SPATA12: variants seen among roughly 807,000 people sequenced by gnomAD.
SPATA12 encodes spermatogenesis-associated protein 12.
For missense variants in SPATA12, 219 were observed against 226.4 expected (o/e 0.97, Z 0.21); for synonymous variants, 85 against 89.2 (o/e 0.95, Z 0.26).
chr3:57,060,937 G>C (rs1579192406), intron 1 of SPATA12, among the ~76,000 whole-genome samples, 151 bp downstream of exon 1: 1 of 152,126 alleles, frequency 6.6e-6, no homozygotes, highest in East Asian at 1.9e-4. Context: ...AAGTCCAGGA[G>C]AGTCCAACTC....
At chr3:57,068,009 AAAC>A (rs1477084499) in intron 1 of SPATA12, among the ~76,000 whole-genome samples, 24 of 151,928 alleles carry the variant, frequency 1.6e-4, no homozygotes, top group African/African-American at 5.1e-4. Context: ...AAAAACAAAC[AAAC>A]AACAACAAAA....
chr3:57,068,873 G>A (rs1220688080), intron 1 of SPATA12, among the ~76,000 whole-genome samples: 4 of 151,680 alleles, frequency 2.6e-5, no homozygotes, highest in East Asian at 1.9e-4. Context: ...ATGAACTGCC[G>A]GTTCCAACAA....
In SPATA12 at chr3:57,074,720, G is replaced by A. The variant is rs1360828207; in HGVS notation, c.*453G>A. On this transcript the variant is annotated 3_prime_UTR_variant, in exon 2 of 2. Transcript: ENST00000334325. ...AGGTGATGAGGTGAGGTAATCAAAT[G>A]ACATAGAAGAGGAAGGAGTCCACTG... 5.4e-6 allele frequency: 1 copy of A among 185,916 alleles called. No homozygotes were observed. Among genetic ancestry groups the A allele is most frequent in the African/African-American group, 2.4e-5 (1 of 41,742 alleles). 11.5% of individuals were successfully genotyped at this position (185,916 alleles called of 1,614,324 possible).
Position 57,074,563 on chromosome 3 carries a change from C to A in SPATA12, c.*296C>A. 2.8e-6 allele frequency: 1 copy of A among 358,864 alleles called. No homozygotes were observed. 22.2% of individuals were successfully genotyped at this position (358,864 alleles called of 1,614,324 possible). A position where few individuals can be genotyped will look rare whatever the true frequency, so the allele number is the denominator to read the frequency against. On this transcript the variant is annotated 3_prime_UTR_variant, in exon 2 of 2. Transcript: ENST00000334325. ...ACTGTATTAAATGACATCAATTGAT[C>A]AATCAATCGATCAATCAATGAAAGA... is the stretch of plus-strand genomic sequence containing the variant.
At chr3:57,067,482 A>AATAATAATT (rs1705615560) in intron 1 of SPATA12, among the ~76,000 whole-genome samples, 1 of 148,094 alleles carries the variant, frequency 6.8e-6, no homozygotes, top group African/African-American at 2.5e-5. Context: ...TAATAATAAT[A>AATAATAATT]ATAATAATAT....
At chr3:57,065,888 T>C (rs1388311805) in intron 1 of SPATA12, among the ~76,000 whole-genome samples, 1 of 152,102 alleles carries the variant, frequency 6.6e-6, no homozygotes, top group Non-Finnish European at 1.5e-5. Context: ...ACCTTTTACT[T>C]AGGCCCATGA....
chr3:57,060,835 C>T (rs1441915582), intron 1 of SPATA12, 49 bp downstream of exon 1: 2 of 148,216 alleles, frequency 1.3e-5, no homozygotes, highest in Non-Finnish European at 3.0e-5. Context: ...CACACACACA[C>T]ACATGGGCAC....
chr3:57,071,654 C>T (rs1236905429), intron 1 of SPATA12, among the ~76,000 whole-genome samples: 1 of 125,698 alleles, frequency 8.0e-6, no homozygotes, highest in Non-Finnish European at 1.6e-5. Context: ...AGCAAAACTC[C>T]ATCTCAAAAA....
intron 1 of SPATA12, among the ~76,000 whole-genome samples, chr3:57,066,019 A>G (rs1705506956): frequency 6.6e-6 from 1 of 150,426 alleles, no homozygotes; most frequent in South Asian, 2.1e-4. Flanking sequence ...AGGGCAACAC[A>G]GTGAGACTCT....
At chr3:57,067,454 A>AAATAATAATAATAAT (rs10528636) in intron 1 of SPATA12, among the ~76,000 whole-genome samples, 1,895 of 140,428 alleles carry the variant, frequency 0.013, 13 homozygotes, top group East Asian at 0.048. Context: ...CTCTGTCTCA[A>AAATAATAATAATAAT]AATAATAATA....
At chr3:57,071,544 C>T (rs2107402378) in intron 1 of SPATA12, among the ~76,000 whole-genome samples, 1 of 151,904 alleles carries the variant, frequency 6.6e-6, no homozygotes, top group South Asian at 2.1e-4. Context: ...CCTGTAGTCC[C>T]AGCTACTTGA....
intron 1 of SPATA12, among the ~76,000 whole-genome samples, chr3:57,064,034 AG>A (rs1422255723): frequency 6.6e-6 from 1 of 152,224 alleles, no homozygotes; most frequent in Non-Finnish European, 1.5e-5. Flanking sequence ...TGGGAGGCCC[AG>A]GGAGGGGGAC....
intron 1 of SPATA12, among the ~76,000 whole-genome samples, chr3:57,061,824 T>C (rs1347520949): frequency 6.6e-6 from 1 of 152,184 alleles, no homozygotes; most frequent in African/African-American, 2.4e-5. Flanking sequence ...GGTATAATTA[T>C]TTTCATCCCC....
intron 1 of SPATA12, among the ~76,000 whole-genome samples, chr3:57,067,476 A>AATAATAATAATG (rs1705615174): frequency 1.4e-5 from 2 of 147,976 alleles, no homozygotes; most frequent in Admixed American, 1.4e-4. Flanking sequence ...TAATAATAAT[A>AATAATAATAATG]ATAATAATAA....
At chr3:57,064,180 G>A (rs1579200215) in intron 1 of SPATA12, among the ~76,000 whole-genome samples, 1 of 152,176 alleles carries the variant, frequency 6.6e-6, no homozygotes, top group South Asian at 2.1e-4. Flanking sequence ...GAGGTCAGAG[G>A]ATTGCTTGAG....
intron 1 of SPATA12, among the ~76,000 whole-genome samples, chr3:57,063,491 G>C (rs1705349952): frequency 6.6e-6 from 1 of 152,126 alleles, no homozygotes; most frequent in Non-Finnish European, 1.5e-5. Flanking sequence ...GGAGCGGGAG[G>C]GGAGCAGTGG....
rs747343714 is a variant in SPATA12 at position 57,074,194 on chromosome 3, C to T, written c.500C>T (p.Thr167Ile). 1 of 1,614,170 alleles carries T rather than the reference C, an allele frequency of 6.2e-7. No homozygotes were observed. The highest frequency in any genetic ancestry group is 1.7e-5 in the Admixed American group (1 of 60,016). Residue 167 changes from threonine to isoleucine, a missense_variant, in exon 2 of 2, where the codon ACA (threonine) becomes ATA (isoleucine). By Grantham distance (89) the Thr-to-Ile change is moderately conservative (BLOSUM62 -1). Transcript: ENST00000334325. ...STGCSRSNQL[T>I]FTEGCFVRSL... ...GGGTGCAGCCGTTCAAACCAACTGACATTTACTGAGGGCTGCTTTGTCAGG... is the reference window on the plus strand; with the variant it reads ...GGGTGCAGCCGTTCAAACCAACTGATATTTACTGAGGGCTGCTTTGTCAGG...
In SPATA12 at chr3:57,075,147, A is replaced by G. The variant is rs1160496466; in HGVS notation, c.*880A>G. 1.2e-5 allele frequency: 2 copies of G among 167,038 alleles called. No homozygotes were observed. Among genetic ancestry groups the G allele is most frequent in the African/African-American group, 2.4e-5 (1 of 41,398 alleles). 10.3% of individuals were successfully genotyped at this position (167,038 alleles called of 1,614,324 possible). A position where few individuals can be genotyped will look rare whatever the true frequency, so the allele number is the denominator to read the frequency against. ...CTCATTTGTCTGGGTTTCTGCTCCA[A>G]TGCTATCTCCTCAGAAAGACCTTCT... On this transcript the variant is annotated 3_prime_UTR_variant, in exon 2 of 2. Coordinates refer to ENST00000334325, the MANE Select transcript of SPATA12 (RefSeq NM_181727.2).
In SPATA12 at chr3:57,073,610, G is replaced by A. The variant is rs1399882211; in HGVS notation, c.-85G>A. ...CAGTGCACTCAGAGCCAGGTTGCAA[G>A]AGTGCTGCATGCTCCTCAGGGATTG... is the stretch of plus-strand genomic sequence containing the variant. On this transcript the variant is annotated 5_prime_UTR_variant, in exon 2 of 2. Coordinates refer to ENST00000334325, the MANE Select transcript of SPATA12 (RefSeq NM_181727.2). 2 of 1,491,970 alleles carry A rather than the reference G, an allele frequency of 1.3e-6. No individual in the cohort carries two copies. The highest frequency in any genetic ancestry group is 4.9e-5 in the Admixed American group (2 of 41,064). 92.4% of individuals were successfully genotyped at this position (1,491,970 alleles called of 1,614,324 possible). A position where few individuals can be genotyped will look rare whatever the true frequency, so the allele number is the denominator to read the frequency against.
Sources: gnomAD v4.1 joint callset for allele counts (sites outside exome capture counted in the v4.1 genomes callset) on GRCh38, gnomAD v4.1.1 for gene constraint, MANE v1.5 for transcripts, NCBI Gene and HGNC (gene_info 2026-07-23, HGNC 2026-07-21) for gene names.